NIM1K: variants seen among roughly 807,000 people sequenced by gnomAD.
NIM1K encodes the protein serine/threonine-protein kinase NIM1.
Under a neutral mutation model 37.1 loss-of-function variants are expected in NIM1K, and 35 were observed. The observed-to-expected ratio is 0.94, with a 90% CI of 0.72 to 1.25. NIM1K has a LOEUF of 1.25. Ranked by LOEUF, NIM1K falls within the 50% of genes most tolerant of loss-of-function variation. The pLI is 0.00. For missense variants in NIM1K, 564 were observed against 548.0 expected (o/e 1.03, Z -0.29); for synonymous variants, 234 against 206.6 (o/e 1.13, Z -1.14).
chr5:43,235,149 G>A (rs1752603497), intron 1 of NIM1K, among the ~76,000 whole-genome samples: 2 of 152,098 alleles, frequency 1.3e-5, no homozygotes, highest in Non-Finnish European at 2.9e-5. Flanking sequence ...ATATAGACAA[G>A]GGTGAACCTT....
intron 1 of NIM1K, among the ~76,000 whole-genome samples, chr5:43,244,399 T>C (rs1179192723): frequency 2.0e-5 from 3 of 152,240 alleles, no homozygotes; most frequent in African/African-American, 7.2e-5. Flanking sequence ...CACGAAGTGC[T>C]GTGGGAATTC....
intron 1 of NIM1K, among the ~76,000 whole-genome samples, chr5:43,205,921 C>T (rs1162712831): frequency 1.3e-5 from 2 of 151,992 alleles, no homozygotes; most frequent in African/African-American, 2.4e-5. Flanking sequence ...ACTGTGTTAG[C>T]CAGGATGGTC....
intron 2 of NIM1K, among the ~76,000 whole-genome samples, chr5:43,275,756 A>AGGACATC (rs1561096278): frequency 4.6e-5 from 7 of 152,144 alleles, no homozygotes; most frequent in African/African-American, 1.4e-4. Flanking sequence ...TCTGAACATC[A>AGGACATC]TGTTCATCCT....
chr5:43,225,870 C>T (rs556082120), intron 1 of NIM1K: 2 of 152,472 alleles, frequency 1.3e-5, no homozygotes, highest in East Asian at 3.9e-4. Flanking sequence ...GAGAGACAGC[C>T]TGATATAAAA....
intron 1 of NIM1K, among the ~76,000 whole-genome samples, chr5:43,198,202 TC>T: frequency 6.8e-5 from 3 of 44,180 alleles, no homozygotes; most frequent in Non-Finnish European, 1.4e-4. Context: ...TTTCTTTCTT[TC>T]TTTCTCTTTC....
At chr5:43,198,219 TTCTTTCTTTC>T (rs1751959919) in intron 1 of NIM1K, among the ~76,000 whole-genome samples, 3 of 95,736 alleles carry the variant, frequency 3.1e-5, no homozygotes, top group Non-Finnish European at 6.8e-5. Flanking sequence ...CTTTCTTTCT[TTCTTTCTTTC>T]TTTCTTTCTT....
At position 43,223,721 on chromosome 5, in the gene NIM1K, C is replaced by G. The variant is rs180880014; in HGVS notation, c.-694-21361C>G. Among the ~76,000 whole-genome samples the G allele has an allele frequency of 2.6e-5, 4 of 152,284 alleles. No homozygotes were observed. In the East Asian group the frequency reaches 5.8e-4, roughly 22 times the overall value. Reference sequence around the variant, plus strand: ...AGGTTACCAGAACAGAGAAGAAAATCTGATAGGTGGGAAACCTTTGAGCCC... The same window carrying G: ...AGGTTACCAGAACAGAGAAGAAAATGTGATAGGTGGGAAACCTTTGAGCCC... On this transcript the variant is annotated intron_variant, in intron 1 of 3. Transcript: ENST00000326035.
rs376894249 is a variant in NIM1K, at chr5:43,241,234, G to A, written c.-694-3848G>A. Among the ~76,000 whole-genome samples, 77 of 151,502 alleles carry A rather than the reference G, an allele frequency of 5.1e-4. 3 individuals carry two copies. The highest frequency in any genetic ancestry group is 1.8e-3 in the African/African-American group (75 of 41,074). ...TATAAGTAAGGTTGAGTACATTTTT[G>A]TATATTATGGAGTCATTTGTATTTT... is the stretch of plus-strand genomic sequence containing the variant. On this transcript the variant is annotated intron_variant, in intron 1 of 3. Coordinates refer to ENST00000326035, the MANE Select transcript of NIM1K (RefSeq NM_153361.4).
chr5:43,204,535 C>T (rs896291184), intron 1 of NIM1K, among the ~76,000 whole-genome samples: 2 of 149,458 alleles, frequency 1.3e-5, no homozygotes, highest in Non-Finnish European at 3.0e-5. Context: ...AATCCCGTCT[C>T]TACTAAAAAA....
intron 1 of NIM1K, among the ~76,000 whole-genome samples, chr5:43,213,208 TC>T (rs1561074848): frequency 0.072 from 4,440 of 61,308 alleles, 309 homozygotes; most frequent in African/African-American, 0.16. Context: ...TTTCTTTCTT[TC>T]TTTCTTTCTT....
chr5:43,278,409 C>T (rs919309129), intron 3 of NIM1K, among the ~76,000 whole-genome samples: 10 of 152,236 alleles, frequency 6.6e-5, no homozygotes, highest in Non-Finnish European at 1.3e-4. Context: ...TCCTAATGCA[C>T]ACTCTGTAGT....
intron 1 of NIM1K, among the ~76,000 whole-genome samples, chr5:43,220,967 C>A (rs1752372704): frequency 1.3e-5 from 2 of 152,178 alleles, no homozygotes; most frequent in Admixed American, 1.3e-4. Flanking sequence ...GCTCTGCCCT[C>A]ATGACATCCC....
intron 1 of NIM1K, among the ~76,000 whole-genome samples, chr5:43,195,177 G>A (rs1751894315): frequency 6.6e-6 from 1 of 152,126 alleles, no homozygotes; most frequent in South Asian, 2.1e-4. Context: ...TAGAATTGAA[G>A]TTTTAATTTT....
intron 1 of NIM1K, chr5:43,232,893 G>A: frequency 8.8e-7 from 1 of 1,141,458 alleles, no homozygotes; most frequent in Non-Finnish European, 1.3e-6. Context: ...CCTTGCCTGT[G>A]ATGAGCTGCT....
intron 1 of NIM1K, among the ~76,000 whole-genome samples, chr5:43,211,969 A>G (rs917996465): frequency 4.6e-5 from 7 of 152,202 alleles, no homozygotes; most frequent in Non-Finnish European, 1.5e-5. Context: ...AATTCAAGCA[A>G]AGCTAACCAT....
chr5:43,204,559 G>C lies in NIM1K; in HGVS notation c.-695+12148G>C, dbSNP rs1752080910. On this transcript the variant is annotated intron_variant, in intron 1 of 3. Transcript: ENST00000326035. The stretch of plus-strand genomic sequence containing the variant: ...TCTACTAAAAAAATACAAAAAATTA[G>C]GCGGGCATGGTGGTGGGTGCCTGTA... Among the ~76,000 whole-genome samples, 5 of 151,770 alleles carry C rather than the reference G, an allele frequency of 3.3e-5. No homozygotes were observed. In the South Asian group the frequency reaches 1.0e-3, roughly 32 times the overall value.
intron 1 of NIM1K, among the ~76,000 whole-genome samples, chr5:43,197,329 G>T (rs530677725): frequency 1.3e-5 from 2 of 149,726 alleles, no homozygotes; most frequent in Admixed American, 1.3e-4. Context: ...CGGTGGTAGG[G>T]GGGGCGGGCC....
At chr5:43,262,968 A>T (rs965809941) in intron 2 of NIM1K, among the ~76,000 whole-genome samples, 2 of 152,132 alleles carry the variant, frequency 1.3e-5, no homozygotes, top group Non-Finnish European at 2.9e-5. Context: ...AGCCAACTTG[A>T]TCGTGGTGGA....
intron 1 of NIM1K, among the ~76,000 whole-genome samples, chr5:43,234,596 C>A (rs752354975): frequency 5.9e-5 from 9 of 152,062 alleles, no homozygotes; most frequent in Non-Finnish European, 1.0e-4. Context: ...GAAGACCAGC[C>A]TGGCCAACAT....
Sources: allele counts gnomAD v4.1 joint callset (sites outside exome capture counted in the v4.1 genomes callset), GRCh38; gene constraint gnomAD v4.1.1; transcripts MANE v1.5; gene names NCBI Gene and HGNC (gene_info 2026-07-23, HGNC 2026-07-21).